KLF12: variants seen among roughly 807,000 people sequenced by gnomAD.
KLF12 encodes the protein Krueppel-like factor 12.
Under a neutral mutation model 37.8 loss-of-function variants are expected in KLF12, and 9 were observed. That is an observed-to-expected ratio of 0.24 (90% CI 0.14 to 0.42). KLF12 has a LOEUF of 0.42. Ranked by LOEUF, KLF12 falls within the 10% of genes least tolerant of loss-of-function variation. The pLI is 1.00. For synonymous variants in KLF12, 208 were observed against 202.1 expected, an observed-to-expected ratio of 1.03 and a Z score of -0.25; for missense variants, 411 against 516.0, an observed-to-expected ratio of 0.80 and a Z score of 1.97.
At chr13:74,049,200 T>C (rs927222769) in intron 1 of KLF12, among the ~76,000 whole-genome samples, 2 of 152,172 alleles carry the variant, frequency 1.3e-5, no homozygotes, top group Admixed American at 1.3e-4. Context: ...ATAGACATCT[T>C]GTACAAGAGA....
chr13:74,232,275 G>A, the KLF12 span, among the ~76,000 whole-genome samples: 1 of 152,128 alleles, frequency 6.6e-6, no homozygotes, highest in Non-Finnish European at 1.5e-5. Flanking sequence ...GTGTATAGAA[G>A]ATTAATATGA....
rs778511394 is a variant in KLF12 at position 73,695,558 on chromosome 13, C to T, written c.1141G>A (p.Asp381Asn). The T allele has an allele frequency of 5.0e-6, 8 of 1,613,998 alleles. No homozygotes were observed. Among genetic ancestry groups the T allele is most frequent in the Non-Finnish European group, 6.8e-6 (8 of 1,179,982 alleles). Reference sequence around the variant, plus strand: ...GACCGGGAAAAGCTGCGATCACAGTCCGCGCACTTGAATGGCTTCACTCCC... The same window carrying T: ...GACCGGGAAAAGCTGCGATCACAGTTCGCGCACTTGAATGGCTTCACTCCC... The change falls in exon 8 of 8, where the codon GAC becomes AAC. Residue 381 changes from aspartate to asparagine, a missense_variant. Physicochemically the swap from Asp to Asn is conservative, Grantham distance 23. Coordinates refer to ENST00000377669, the MANE Select transcript of KLF12 (RefSeq NM_007249.5).
In KLF12 at chr13:73,955,404, A is replaced by T. The variant is rs192808432; in HGVS notation, c.34-11334T>A. On this transcript the variant is annotated intron_variant, in intron 2 of 7. Coordinates refer to ENST00000377669, the MANE Select transcript of KLF12 (RefSeq NM_007249.5). Reference sequence around the variant, plus strand: ...GAATTGACAGAAAACTAACCCACACAATTAATACATAATTGTGGAATACAT... The same window carrying T: ...GAATTGACAGAAAACTAACCCACACTATTAATACATAATTGTGGAATACAT... Among the ~76,000 whole-genome samples, 3 of 152,318 alleles carry T rather than the reference A, an allele frequency of 2.0e-5. No homozygotes were observed. The East Asian group carries it at 5.8e-4, about 29-fold the overall frequency.
the KLF12 span, among the ~76,000 whole-genome samples, chr13:74,294,522 C>T: frequency 6.6e-6 from 1 of 151,990 alleles, no homozygotes; most frequent in African/African-American, 2.4e-5. Context: ...GCACGCGCCA[C>T]CATGCCTGGC....
At chr13:73,759,810 A>T (rs1879430122) in intron 6 of KLF12, among the ~76,000 whole-genome samples, 2 of 152,110 alleles carry the variant, frequency 1.3e-5, no homozygotes. Context: ...GTAATTTGGA[A>T]ATGCTCTGTC....
At chr13:73,917,393 C>G (rs1888899467) in intron 3 of KLF12, among the ~76,000 whole-genome samples, 2 of 152,262 alleles carry the variant, frequency 1.3e-5, no homozygotes, top group South Asian at 4.1e-4. Flanking sequence ...CCCTTCTACA[C>G]CTTGTAAATC....
chr13:74,009,762 T>C (rs1228292676), intron 1 of KLF12, among the ~76,000 whole-genome samples: 1 of 152,208 alleles, frequency 6.6e-6, no homozygotes, highest in Non-Finnish European at 1.5e-5. Context: ...CAGCATTTAC[T>C]TTGTGGATCC....
intron 1 of KLF12, among the ~76,000 whole-genome samples, chr13:73,999,943 A>T (rs1869547720): frequency 6.6e-6 from 1 of 152,190 alleles, no homozygotes; most frequent in African/African-American, 2.4e-5. Flanking sequence ...TAGCTTTGAA[A>T]GCCAGAAAGA....
At chr13:73,810,959 G>GT (rs111970863) in intron 5 of KLF12, among the ~76,000 whole-genome samples, 44,159 of 103,950 alleles carry the variant, frequency 0.42, 7,493 homozygotes, top group East Asian at 0.66. Flanking sequence ...GATAAACAAT[G>GT]TTTATTTTTT....
At chr13:74,075,047 G>T (rs1218372508) in intron 1 of KLF12, among the ~76,000 whole-genome samples, 1 of 152,126 alleles carries the variant, frequency 6.6e-6, no homozygotes, top group Non-Finnish European at 1.5e-5. Context: ...ATATCCTCAG[G>T]ATATAAAACA....
chr13:73,980,315 A>G (rs966150818), intron 2 of KLF12, among the ~76,000 whole-genome samples: 11 of 152,252 alleles, frequency 7.2e-5, no homozygotes, highest in Non-Finnish European at 1.3e-4. Flanking sequence ...TAAAGAGTAG[A>G]TAATTGTTTA....
intron 3 of KLF12, among the ~76,000 whole-genome samples, chr13:73,889,386 C>T (rs1006273661): frequency 3.3e-5 from 5 of 152,256 alleles, no homozygotes; most frequent in Non-Finnish European, 7.4e-5. Flanking sequence ...ATCATACTGT[C>T]TTTGAACACC....
At chr13:73,797,224 T>A (rs1052286094) in intron 5 of KLF12, among the ~76,000 whole-genome samples, 2 of 152,208 alleles carry the variant, frequency 1.3e-5, no homozygotes, top group Admixed American at 6.5e-5. Context: ...ATATTTCCCA[T>A]CCTTCCTGAT....
rs1873798159 is a variant in KLF12, at chr13:73,691,126, C to T, written c.*4364G>A. The stretch of plus-strand genomic sequence containing the variant: ...TAGACAGCACGGATTATTACAAATT[C>T]TTTTTAAAAAAGTTCTTTGCTGATA... On this transcript the variant is annotated 3_prime_UTR_variant, in exon 8 of 8. Transcript: ENST00000377669. The T allele has an allele frequency of 1.3e-5, 2 of 152,606 alleles. No individual in the cohort carries two copies. Among genetic ancestry groups the T allele is most frequent in the African/African-American group, 2.4e-5 (1 of 41,448 alleles). 9.5% of individuals were successfully genotyped at this position (152,606 alleles called of 1,614,324 possible).
intron 5 of KLF12, among the ~76,000 whole-genome samples, chr13:73,791,613 A>G (rs1353769677): frequency 6.6e-6 from 1 of 152,154 alleles, no homozygotes. Flanking sequence ...ACATTTCCTT[A>G]GCTTTATCCA....
chr13:73,847,829 A>C (rs895704915), intron 3 of KLF12, among the ~76,000 whole-genome samples: 11 of 152,196 alleles, frequency 7.2e-5, no homozygotes, highest in Non-Finnish European at 1.6e-4. Context: ...AAAACAAAGA[A>C]AAAACAAACA....
intron 3 of KLF12, among the ~76,000 whole-genome samples, chr13:73,902,286 T>A (rs1888077391): frequency 6.6e-6 from 1 of 152,214 alleles, no homozygotes; most frequent in African/African-American, 2.4e-5. Flanking sequence ...AATGCTCAAC[T>A]ATTTTGAGGC....
At chr13:73,792,114 T>C (rs1299474854) in intron 5 of KLF12, among the ~76,000 whole-genome samples, 1 of 152,104 alleles carries the variant, frequency 6.6e-6, no homozygotes, top group African/African-American at 2.4e-5. Context: ...AGACAGTAGG[T>C]TGACATCTTC....
At chr13:74,261,985 C>T in the KLF12 span, among the ~76,000 whole-genome samples, 6 of 152,132 alleles carry the variant, frequency 3.9e-5, no homozygotes, top group Non-Finnish European at 7.4e-5. Context: ...TGTGCTGTCC[C>T]GAGCTGAGTG....
Sources: gnomAD v4.1 joint callset for allele counts (sites outside exome capture counted in the v4.1 genomes callset) on GRCh38, gnomAD v4.1.1 for gene constraint, MANE v1.5 for transcripts, NCBI Gene and HGNC (gene_info 2026-07-23, HGNC 2026-07-21) for gene names.